PRKD1: variants seen among roughly 807,000 people sequenced by gnomAD.
PRKD1 encodes the protein serine/threonine-protein kinase D1.
In PRKD1, 63 loss-of-function variants were observed where a neutral mutation model predicts 95.9. That is an observed-to-expected ratio of 0.66 (90% CI 0.54 to 0.81). PRKD1 has a LOEUF of 0.81. Ranked by LOEUF, PRKD1 falls within the 30% of genes least tolerant of loss-of-function variation. The pLI is 0.00. For missense variants in PRKD1, 1,048 were observed against 1,165.3 expected, an observed-to-expected ratio of 0.90 and a Z score of 1.47; for synonymous variants, 425 against 423.1, an observed-to-expected ratio of 1.00 and a Z score of -0.05.
intron 1 of PRKD1, among the ~76,000 whole-genome samples, chr14:29,823,091 T>C (rs1890978950): frequency 6.6e-6 from 1 of 152,154 alleles, no homozygotes. Flanking sequence ...TTGATTTTGC[T>C]TGGACTCCAC....
At position 29,807,115 on chromosome 14, in the gene PRKD1, C is replaced by T. The variant is rs542374676; in HGVS notation, c.265-81441G>A. Among the ~76,000 whole-genome samples the T allele has an allele frequency of 1.4e-4, 21 of 152,258 alleles. No individual in the cohort carries two copies. The South Asian group carries it at 2.9e-3, about 21-fold the overall frequency. ...GTGGTCTCTTGACAGGGGATGATTTCAGGGTGAAACTGTTCCACCTCAGAT... is the reference window on the plus strand; with the variant it reads ...GTGGTCTCTTGACAGGGGATGATTTTAGGGTGAAACTGTTCCACCTCAGAT... On this transcript the variant is annotated intron_variant, in intron 1 of 17. Transcript: ENST00000331968.
At chr14:29,611,656 T>G (rs1205933503) in intron 13 of PRKD1, among the ~76,000 whole-genome samples, 1 of 151,946 alleles carries the variant, frequency 6.6e-6, no homozygotes. Context: ...GTTACAGACA[T>G]TCTGTTCTTC....
At chr14:29,580,127 T>G (rs1447692801) in intron 16 of PRKD1, among the ~76,000 whole-genome samples, 1 of 152,168 alleles carries the variant, frequency 6.6e-6, no homozygotes, top group Non-Finnish European at 1.5e-5. Flanking sequence ...ATTCACTCAT[T>G]CTGTTTGGAA....
intron 1 of PRKD1, among the ~76,000 whole-genome samples, chr14:29,906,178 A>G (rs940138195): frequency 6.6e-6 from 1 of 152,154 alleles, no homozygotes; most frequent in Non-Finnish European, 1.5e-5. Context: ...TCTAGTATAT[A>G]ATAAGTATTG....
intron 1 of PRKD1, among the ~76,000 whole-genome samples, chr14:29,785,083 G>A (rs1170860043): frequency 6.6e-6 from 1 of 152,128 alleles, no homozygotes; most frequent in African/African-American, 2.4e-5. Context: ...CATTACACAT[G>A]CACTCAACTT....
intron 2 of PRKD1, among the ~76,000 whole-genome samples, chr14:29,676,480 G>C (rs1010181289): frequency 6.6e-6 from 1 of 152,066 alleles, no homozygotes; most frequent in Non-Finnish European, 1.5e-5. Context: ...TCAGCGTCCC[G>C]AATAGCTGGG....
chr14:29,789,153 T>A lies in PRKD1; in HGVS notation c.265-63479A>T, dbSNP rs1316738881. On this transcript the variant is annotated intron_variant, in intron 1 of 17. Transcript: ENST00000331968. ...TTCCTGCCTCAGTATCCCAAAGTGC[T>A]CAGATTACAGACATGAGCCACCATG... 2.6e-5 allele frequency among the ~76,000 whole-genome samples: 4 copies of A among 152,148 alleles called. No individual in the cohort carries two copies. The East Asian group carries it at 7.7e-4, about 29-fold the overall frequency.
At chr14:29,606,106 G>A (rs1019104361) in intron 13 of PRKD1, among the ~76,000 whole-genome samples, 4 of 151,852 alleles carry the variant, frequency 2.6e-5, no homozygotes, top group Admixed American at 6.6e-5. Context: ...TCCCCCTCTC[G>A]GGTTCAAGAG....
At chr14:29,634,271 T>C (rs1880217006) in intron 8 of PRKD1, 147 bp downstream of exon 8, 1 of 1,204,286 alleles carries the variant, frequency 8.3e-7, no homozygotes, top group Admixed American at 2.0e-5. Context: ...ACCCAGAGAC[T>C]GTAATGCACC....
intron 1 of PRKD1, among the ~76,000 whole-genome samples, chr14:29,803,356 G>A (rs1890110253): frequency 3.3e-5 from 5 of 152,126 alleles, no homozygotes. Flanking sequence ...ACCATTTTGG[G>A]GAATTTTAAT....
chr14:29,633,841 G>A (rs528167783), intron 8 of PRKD1, among the ~76,000 whole-genome samples: 14 of 152,262 alleles, frequency 9.2e-5, no homozygotes, highest in East Asian at 1.9e-4. Context: ...TGATCCTATA[G>A]GTAAGAGATG....
At position 29,927,620 on chromosome 14, in the gene PRKD1, A is replaced by G; in HGVS notation, c.-108T>C. ...GGAGCTTCTTTCTCCGAGAGCCCAG[A>G]CGGAAAATAAAAACTTTCCGGAAAA... On this transcript the variant is annotated 5_prime_UTR_variant, in exon 1 of 18. Coordinates refer to ENST00000331968, the MANE Select transcript of PRKD1 (RefSeq NM_002742.3). 5 of 912,116 alleles carry G rather than the reference A, an allele frequency of 5.5e-6. No individual in the cohort carries two copies. The highest frequency in any genetic ancestry group is 6.7e-6 in the Non-Finnish European group (5 of 747,680). 56.5% of individuals were successfully genotyped at this position (912,116 alleles called of 1,614,324 possible). A position where few individuals can be genotyped will look rare whatever the true frequency, so the allele number is the denominator to read the frequency against.
intron 4 of PRKD1, among the ~76,000 whole-genome samples, chr14:29,663,039 A>G (rs1463503467): frequency 6.8e-6 from 1 of 147,376 alleles, no homozygotes; most frequent in African/African-American, 2.5e-5. Context: ...TCCATAAGAT[A>G]TATATATATT....
chr14:29,614,756 T>C (rs954643076), intron 13 of PRKD1, among the ~76,000 whole-genome samples: 2 of 151,884 alleles, frequency 1.3e-5, no homozygotes, highest in Non-Finnish European at 2.9e-5. Flanking sequence ...TGGAGTCAAC[T>C]GGCACGATCT....
chr14:29,734,370 C>T (rs557461474), intron 1 of PRKD1, among the ~76,000 whole-genome samples: 101 of 152,032 alleles, frequency 6.6e-4, no homozygotes, highest in African/African-American at 2.3e-3. Context: ...AAATTAGATG[C>T]CAGATATTAT....
intron 1 of PRKD1, among the ~76,000 whole-genome samples, chr14:29,805,930 A>C (rs1291957763): frequency 6.6e-6 from 1 of 152,236 alleles, no homozygotes; most frequent in Non-Finnish European, 1.5e-5. Flanking sequence ...TAAGAGCATG[A>C]GAACAAGCCA....
At chr14:29,792,686 T>G (rs1026524249) in intron 1 of PRKD1, among the ~76,000 whole-genome samples, 1 of 152,068 alleles carries the variant, frequency 6.6e-6, no homozygotes, top group African/African-American at 2.4e-5. Flanking sequence ...TGCCAAGACA[T>G]GGCATTGTTG....
intron 2 of PRKD1, among the ~76,000 whole-genome samples, chr14:29,672,498 A>G (rs979883182): frequency 1.3e-5 from 2 of 152,144 alleles, no homozygotes; most frequent in African/African-American, 4.8e-5. Context: ...AAAATCATAG[A>G]AAAACTAGAA....
intron 2 of PRKD1, among the ~76,000 whole-genome samples, chr14:29,692,672 G>A (rs915411748): frequency 1.3e-5 from 2 of 151,962 alleles, no homozygotes; most frequent in African/African-American, 4.8e-5. Flanking sequence ...AAAAAAAAAG[G>A]TGGCATCACC....
Sources: allele counts gnomAD v4.1 joint callset (sites outside exome capture counted in the v4.1 genomes callset), GRCh38; gene constraint gnomAD v4.1.1; transcripts MANE v1.5; gene names NCBI Gene and HGNC (gene_info 2026-07-23, HGNC 2026-07-21).